SPON1: variants seen among roughly 807,000 people sequenced by gnomAD.
The protein encoded by SPON1 is spondin 1.
SPON1 carries 52 observed loss-of-function variants against 111.7 expected under a neutral mutation model. The observed-to-expected ratio is 0.47, with a 90% CI of 0.37 to 0.59. SPON1 has a LOEUF of 0.59. Ranked by LOEUF, SPON1 falls within the 20% of genes least tolerant of loss-of-function variation. SPON1 has a pLI of 0.00. For synonymous variants in SPON1, 410 were observed against 395.8 expected (o/e 1.04, Z -0.43); for missense variants, 957 against 1,068.5 (o/e 0.90, Z 1.46).
At chr11:14,234,193 C>CAGCCCTTT (rs1848836452) in intron 6 of SPON1, among the ~76,000 whole-genome samples, 1 of 152,224 alleles carries the variant, frequency 6.6e-6, no homozygotes, top group Non-Finnish European at 1.5e-5. Context: ...GGCTTCCTCA[C>CAGCCCTTT]AGCCCTTTCT....
intron 6 of SPON1, among the ~76,000 whole-genome samples, chr11:14,148,993 G>A (rs1348255136): frequency 6.6e-6 from 1 of 152,182 alleles, no homozygotes; most frequent in African/African-American, 2.4e-5. Flanking sequence ...GGTCCCTTAA[G>A]ATTATAATGG....
intron 6 of SPON1, among the ~76,000 whole-genome samples, chr11:14,142,899 A>G (rs11023109): frequency 0.4 from 60,061 of 151,718 alleles, 12,097 homozygotes; most frequent in East Asian, 0.54. Context: ...TCAGGCTGAG[A>G]CGACCACTAA....
intron 9 of SPON1, 42 bp downstream of exon 9, chr11:14,255,829 A>C: frequency 6.2e-7 from 1 of 1,601,750 alleles, no homozygotes; most frequent in South Asian, 1.1e-5. Context: ...CTTTCCCGGT[A>C]GGAGTGCCAG....
intron 5 of SPON1, among the ~76,000 whole-genome samples, chr11:14,124,387 C>G (rs1420882655): frequency 6.6e-6 from 1 of 152,246 alleles, no homozygotes; most frequent in African/African-American, 2.4e-5. Flanking sequence ...GACACCTCCT[C>G]TGGAACCATC....
intron 6 of SPON1, among the ~76,000 whole-genome samples, chr11:14,186,772 A>G (rs1564926683): frequency 6.6e-6 from 1 of 151,948 alleles, no homozygotes; most frequent in South Asian, 2.1e-4. Flanking sequence ...CTCAATTCCC[A>G]CTCAAGCCTA....
At chr11:14,018,777 T>C (rs1288755600) in intron 2 of SPON1, among the ~76,000 whole-genome samples, 1 of 152,090 alleles carries the variant, frequency 6.6e-6, no homozygotes, top group East Asian at 1.9e-4. Flanking sequence ...AGGCAGTCTA[T>C]ACAAAGGCTC....
intron 2 of SPON1, among the ~76,000 whole-genome samples, chr11:14,024,239 G>A (rs1418331764): frequency 2.6e-5 from 4 of 152,154 alleles, no homozygotes; most frequent in Non-Finnish European, 5.9e-5. Flanking sequence ...GTTACAGTGT[G>A]CTCTTTCTGC....
intron 6 of SPON1, among the ~76,000 whole-genome samples, chr11:14,201,680 G>A (rs1554935652): frequency 6.6e-6 from 1 of 152,132 alleles, no homozygotes; most frequent in Admixed American, 6.5e-5. Flanking sequence ...TTATAGGTAT[G>A]AGCCACCTCA....
At chr11:14,031,364 T>C (rs940701848) in intron 2 of SPON1, among the ~76,000 whole-genome samples, 2 of 152,208 alleles carry the variant, frequency 1.3e-5, no homozygotes, top group African/African-American at 2.4e-5. Flanking sequence ...AAAGTTAGGC[T>C]GGAAGATGGG....
chr11:14,259,822 C>G lies in SPON1; in HGVS notation c.1831+121C>G. ...AGCAGAGGAAAGCATGGCCCATGGTCCTTGCTGGGCACTGCTGGGAGCCAG... is the reference window on the plus strand; with the variant it reads ...AGCAGAGGAAAGCATGGCCCATGGTGCTTGCTGGGCACTGCTGGGAGCCAG... On this transcript the variant is annotated intron_variant, in intron 13 of 15. Coordinates refer to ENST00000576479, the MANE Select transcript of SPON1 (RefSeq NM_006108.4). This position sits in a 1 kb window ranked among gnomAD's most constrained non-coding sequence, Gnocchi z 5.0. The G allele has an allele frequency of 8.8e-7, 1 of 1,136,208 alleles. No individual in the cohort carries two copies. The highest frequency in any genetic ancestry group is 1.2e-6 in the Non-Finnish European group (1 of 806,580). 70.4% of individuals were successfully genotyped at this position (1,136,208 alleles called of 1,614,324 possible). A position where few individuals can be genotyped will look rare whatever the true frequency, so the allele number is the denominator to read the frequency against.
chr11:14,184,528 C>T (rs1430562536), intron 6 of SPON1, among the ~76,000 whole-genome samples: 1 of 152,156 alleles, frequency 6.6e-6, no homozygotes, highest in Admixed American at 6.5e-5. Flanking sequence ...TCTCAGAGGG[C>T]CAGCCTGGTA....
Position 14,147,797 on chromosome 11 carries a change from T to TG in SPON1, c.825+12229_825+12230insG, listed in dbSNP as rs201219891. On this transcript the variant is annotated intron_variant, in intron 6 of 15. Coordinates refer to ENST00000576479, the MANE Select transcript of SPON1 (RefSeq NM_006108.4). ...GTCTCGCTAAACAAAGGGCTAATTTTTTTTTGATATATAAAGAGCTTCTTA... is the reference window on the plus strand; with the variant it reads ...GTCTCGCTAAACAAAGGGCTAATTTTGTTTTTGATATATAAAGAGCTTCTTA... Among the ~76,000 whole-genome samples the TG allele has an allele frequency of 4.2e-4, 64 of 150,900 alleles. 2 individuals carry two copies. Among genetic ancestry groups the TG allele is most frequent in the Admixed American group, 7.9e-4 (12 of 15,122 alleles).
chr11:13,970,844 A>G (rs1554908534), intron 1 of SPON1, among the ~76,000 whole-genome samples: 1 of 152,126 alleles, frequency 6.6e-6, no homozygotes, highest in African/African-American at 2.4e-5. Context: ...ATAGCCTTAA[A>G]CACTCTCTGA....
intron 6 of SPON1, among the ~76,000 whole-genome samples, chr11:14,181,438 C>A (rs1554933686): frequency 6.6e-6 from 1 of 152,172 alleles, no homozygotes; most frequent in Admixed American, 6.5e-5. Context: ...ACCTTTCCAG[C>A]CAACCACCTA....
At chr11:14,121,177 G>A (rs1849302139) in intron 5 of SPON1, among the ~76,000 whole-genome samples, 2 of 152,162 alleles carry the variant, frequency 1.3e-5, no homozygotes, top group African/African-American at 4.8e-5. Flanking sequence ...TGGTGGGGTT[G>A]TTACATGGGA....
chr11:14,252,994 G>A (rs782201649), intron 7 of SPON1, among the ~76,000 whole-genome samples: 1 of 152,240 alleles, frequency 6.6e-6, no homozygotes, highest in Non-Finnish European at 1.5e-5. Context: ...TGAAGAGCTT[G>A]CCCAATAGAT....
chr11:14,061,024 A>C (rs1848787691), intron 3 of SPON1, among the ~76,000 whole-genome samples: 1 of 152,220 alleles, frequency 6.6e-6, no homozygotes, highest in South Asian at 2.1e-4. Context: ...AGGAAAGATA[A>C]AATTTTTCAA....
intron 1 of SPON1, among the ~76,000 whole-genome samples, chr11:13,970,954 G>C (rs1848058726): frequency 6.6e-6 from 1 of 152,180 alleles, no homozygotes; most frequent in Non-Finnish European, 1.5e-5. Context: ...TCAATTCCCA[G>C]AACAGTGCCT....
At chr11:14,021,261 T>C (rs1005594379) in intron 2 of SPON1, among the ~76,000 whole-genome samples, 2 of 152,126 alleles carry the variant, frequency 1.3e-5, no homozygotes, top group African/African-American at 2.4e-5. Flanking sequence ...TCTGGCATAT[T>C]ACAAGCAGAT....
Sources: allele counts gnomAD v4.1 joint callset (sites outside exome capture counted in the v4.1 genomes callset), GRCh38; gene constraint gnomAD v4.1.1; non-coding constraint Gnocchi (gnomAD v3.1); transcripts MANE v1.5; gene names NCBI Gene and HGNC (gene_info 2026-07-23, HGNC 2026-07-21).